SCN8A: variants seen among roughly 807,000 people sequenced by gnomAD.
SCN8A encodes sodium channel protein type 8 subunit alpha.
Under a neutral mutation model 184.1 loss-of-function variants are expected in SCN8A, and 30 were observed. The observed-to-expected ratio is 0.16, with a 90% CI of 0.12 to 0.22. SCN8A has a LOEUF of 0.22. Ranked by LOEUF, SCN8A falls within the 10% of genes least tolerant of loss-of-function variation. The pLI, the probability that SCN8A is intolerant of heterozygous loss-of-function variation, is 1.00. For missense variants in SCN8A, 1,057 were observed against 2,498.9 expected (o/e 0.42, Z 12.30); for synonymous variants, 852 against 907.0 (o/e 0.94, Z 1.09).
At chr12:51,802,950 A>G (rs1212724132) in intron 26 of SCN8A, among the ~76,000 whole-genome samples, 2 of 152,316 alleles carry the variant, frequency 1.3e-5, no homozygotes, top group East Asian at 1.9e-4. Flanking sequence ...AAAGAAATCT[A>G]TTCTTAAAAT....
chr12:51,706,772 A>G lies in SCN8A; in HGVS notation c.1635+57A>G, dbSNP rs1276034877. On this transcript the variant is annotated intron_variant, in intron 11 of 26. Coordinates refer to ENST00000627620, the MANE Select transcript of SCN8A (RefSeq NM_001330260.2). ...AAAATGTATTTTTTATTAAGGTAAA[A>G]TGTGTATATGTATATTATACCATCT... 11 of 1,191,672 alleles carry G rather than the reference A, an allele frequency of 9.2e-6. No homozygotes were observed. In the Admixed American group the frequency reaches 1.2e-4, roughly 13 times the overall value. 73.8% of individuals were successfully genotyped at this position (1,191,672 alleles called of 1,614,324 possible).
intron 26 of SCN8A, among the ~76,000 whole-genome samples, chr12:51,800,661 A>ACTG (rs1315956252): frequency 6.6e-6 from 1 of 152,192 alleles, no homozygotes; most frequent in Non-Finnish European, 1.5e-5. Flanking sequence ...TCCGGGACCC[A>ACTG]CTGTAAGTCA....
chr12:51,780,561 CTTTCTTTTTTTTTT>C, intron 20 of SCN8A, 74 bp from the exon 21 acceptor site: 1 of 457,830 alleles, frequency 2.2e-6, no homozygotes. Flanking sequence ...CCTCTGTTTT[CTTTCTTTTTTTTTT>C]TTTTTTTTTT....
intron 1 of SCN8A, among the ~76,000 whole-genome samples, chr12:51,633,652 G>A (rs1940249764): frequency 6.6e-6 from 1 of 152,168 alleles, no homozygotes; most frequent in South Asian, 2.1e-4. Flanking sequence ...AAACTTGAAG[G>A]CAGTTGGGGT....
rs545204411 is a variant in SCN8A, at chr12:51,803,359, G to A, written c.4796-2923G>A. Among the ~76,000 whole-genome samples, 108 of 151,940 alleles carry A rather than the reference G, an allele frequency of 7.1e-4. No individual in the cohort carries two copies. The Middle Eastern group carries it at 0.014, about 19-fold the overall frequency. ...GCTTTTTCTAGCCGAGTTGGCAGCC[G>A]ATTAGATGGTGCCCACCCACATTGA... On this transcript the variant is annotated intron_variant, in intron 26 of 26. Transcript: ENST00000627620.
At chr12:51,691,317 G>A (rs1462457794) in intron 6 of SCN8A, among the ~76,000 whole-genome samples, 1 of 152,060 alleles carries the variant, frequency 6.6e-6, no homozygotes, top group East Asian at 1.9e-4. Flanking sequence ...CATAGCTTCT[G>A]TCTCTGTCTC....
chr12:51,800,338 C>G (rs372333786), intron 26 of SCN8A, among the ~76,000 whole-genome samples: 1 of 152,212 alleles, frequency 6.6e-6, no homozygotes, highest in African/African-American at 2.4e-5. Flanking sequence ...AATCCACTGT[C>G]GTTCTCCAAG....
intron 10 of SCN8A, 48 bp from the exon 11 acceptor site, chr12:51,706,374 C>G: frequency 6.8e-7 from 1 of 1,479,860 alleles, no homozygotes; most frequent in East Asian, 2.4e-5. Context: ...TTGGGTGGCT[C>G]CAGTTAATTG....
intron 20 of SCN8A, chr12:51,780,330 T>C (rs1329529041): frequency 1.3e-5 from 5 of 385,336 alleles, no homozygotes; most frequent in African/African-American, 6.5e-5. Context: ...CCTCACTCTC[T>C]CCCTCTCCTG....
At chr12:51,725,493 A>G (rs1261468139) in intron 12 of SCN8A, among the ~76,000 whole-genome samples, 2 of 152,200 alleles carry the variant, frequency 1.3e-5, no homozygotes, top group African/African-American at 4.8e-5. Flanking sequence ...TTATTATACT[A>G]TGCTGAGCAT....
chr12:51,698,896 C>T (rs1941638424), intron 6 of SCN8A, among the ~76,000 whole-genome samples: 1 of 152,062 alleles, frequency 6.6e-6, no homozygotes, highest in Non-Finnish European at 1.5e-5. Context: ...TTTAAACTTC[C>T]CAGTGGTTTT....
Position 51,808,191 on chromosome 12 carries a change from C to T in SCN8A, c.*762C>T, listed in dbSNP as rs3741706. 1,566 of 152,906 alleles carry T rather than the reference C, an allele frequency of 0.01. 63 individuals are homozygous for T. Among genetic ancestry groups the T allele is most frequent in the Admixed American group, 0.066 (1,009 of 15,338 alleles). 9.5% of individuals were successfully genotyped at this position (152,906 alleles called of 1,614,324 possible). Reference sequence around the variant, plus strand: ...CTTTGGACAGGACCCAGCCCTGCACCGTTCACTGTATTTGGAGAAAATGGT... The same window carrying T: ...CTTTGGACAGGACCCAGCCCTGCACTGTTCACTGTATTTGGAGAAAATGGT... On this transcript the variant is annotated 3_prime_UTR_variant, in exon 27 of 27. Transcript: ENST00000627620.
chr12:51,650,927 T>A lies in SCN8A; in HGVS notation c.-54-11837T>A, dbSNP rs558068500. Among the ~76,000 whole-genome samples, 3 of 152,334 alleles carry A rather than the reference T, an allele frequency of 2.0e-5. No homozygotes were observed. In the South Asian group the frequency reaches 6.2e-4, roughly 32 times the overall value. ...TATTTATTAACAGCAAGCCAGTCAT[T>A]AGCGTTGTTTCTATAGATATTAAAT... On this transcript the variant is annotated intron_variant, in intron 1 of 26. Coordinates refer to ENST00000627620, the MANE Select transcript of SCN8A (RefSeq NM_001330260.2).
In SCN8A at chr12:51,721,081, T is replaced by TTATATATATATATATATATA. The variant is rs58356368; in HGVS notation, c.1636-458_1636-439dup. Among the ~76,000 whole-genome samples, 157 of 86,714 alleles carry TTATATATATATATATATATA rather than the reference T, an allele frequency of 1.8e-3. 4 individuals carry two copies. The highest frequency in any genetic ancestry group is 5.5e-3 in the African/African-American group (117 of 21,424). 56.9% of individuals were successfully genotyped at this position (86,714 alleles called of 152,430 possible). ...AAACTCCATCTCAAAAAAAAAAAAA[T>TTATATATATATATATATATA]TATATATATATATATATATATATAT... is the stretch of plus-strand genomic sequence containing the variant. On this transcript the variant is annotated intron_variant, in intron 11 of 26. Transcript: ENST00000627620.
At chr12:51,724,970 A>G (rs1942133809) in intron 12 of SCN8A, among the ~76,000 whole-genome samples, 1 of 152,072 alleles carries the variant, frequency 6.6e-6, no homozygotes, top group Admixed American at 6.6e-5. Context: ...GTGGTCTATA[A>G]AGGTCTGCAT....
chr12:51,674,571 G>A (rs1475282021), intron 2 of SCN8A, among the ~76,000 whole-genome samples: 2 of 152,056 alleles, frequency 1.3e-5, no homozygotes, highest in Non-Finnish European at 2.9e-5. Flanking sequence ...CTGACCTCAG[G>A]TAATCCACCC....
At chr12:51,596,445 G>A (rs1196466624) in intron 1 of SCN8A, among the ~76,000 whole-genome samples, 1 of 152,182 alleles carries the variant, frequency 6.6e-6, no homozygotes, top group East Asian at 1.9e-4. Context: ...TGGTACCTAG[G>A]TTGGTCGACT....
At chr12:51,673,087 T>A (rs1045577886) in intron 2 of SCN8A, among the ~76,000 whole-genome samples, 1 of 152,192 alleles carries the variant, frequency 6.6e-6, no homozygotes, top group Non-Finnish European at 1.5e-5. Flanking sequence ...ATGAAGTTAG[T>A]ATAGTCAGCC....
chr12:51,633,154 A>T (rs570808037), intron 1 of SCN8A, among the ~76,000 whole-genome samples: 1 of 152,292 alleles, frequency 6.6e-6, no homozygotes, highest in East Asian at 1.9e-4. Context: ...TGAGGGGAGG[A>T]GGGTAGCCAA....
Sources: gnomAD v4.1 joint callset for allele counts (sites outside exome capture counted in the v4.1 genomes callset) on GRCh38, gnomAD v4.1.1 for gene constraint, MANE v1.5 for transcripts, NCBI Gene and HGNC (gene_info 2026-07-23, HGNC 2026-07-21) for gene names.